Variants in SSH2 observed in about 807,000 individuals in gnomAD.
The protein encoded by SSH2 is slingshot protein phosphatase 2.
In SSH2, 37 loss-of-function variants were observed where a neutral mutation model predicts 135.2. The ratio of observed to expected loss-of-function variants is 0.27; its 90% CI spans 0.21 to 0.36. The LOEUF is 0.36. Among genes scored for constraint, SSH2 ranks in the 10% least tolerant of loss-of-function variants. SSH2 has a pLI of 1.00. For missense variants in SSH2, 1,408 were observed against 1,765.3 expected, an observed-to-expected ratio of 0.80 and a Z score of 3.63; for synonymous variants, 628 against 646.2, an observed-to-expected ratio of 0.97 and a Z score of 0.43.
intron 2 of SSH2, among the ~76,000 whole-genome samples, chr17:29,833,214 G>C (rs1392356170): frequency 6.6e-6 from 1 of 152,032 alleles, no homozygotes; most frequent in Non-Finnish European, 1.5e-5. Flanking sequence ...TTGTATTGGG[G>C]TTCATCTCTC....
At position 29,821,209 on chromosome 17, in the gene SSH2, T is replaced by C. The variant is rs145946221; in HGVS notation, c.145-27272A>G. ...GTCCTGTTCTTTCTTCTCGCCTTTATCTTCTTCCTTGTATTATAAATTACA... is the reference window on the plus strand; with the variant it reads ...GTCCTGTTCTTTCTTCTCGCCTTTACCTTCTTCCTTGTATTATAAATTACA... On this transcript the variant is annotated intron_variant, in intron 2 of 15. Coordinates refer to ENST00000540801, the MANE Select transcript of SSH2 (RefSeq NM_001282129.2). Among the ~76,000 whole-genome samples the C allele has an allele frequency of 9.8e-4, 149 of 152,326 alleles. 2 individuals carry two copies. The Middle Eastern group carries it at 0.01, about 10-fold the overall frequency.
At chr17:29,703,095 C>A (rs768852697) in intron 3 of SSH2, 33 bp from the exon 4 acceptor site, 1 of 1,481,886 alleles carries the variant, frequency 6.7e-7, no homozygotes, top group Non-Finnish European at 9.4e-7. Context: ...AAATAAATTA[C>A]TTAGGAAAGG....
intron 1 of SSH2, among the ~76,000 whole-genome samples, chr17:29,870,014 C>T (rs1475124197): frequency 6.6e-6 from 1 of 151,550 alleles, no homozygotes; most frequent in African/African-American, 2.4e-5. Context: ...AGGATAGGAC[C>T]TTGGGTCCCA....
At chr17:29,751,442 AAG>A (rs1339392867) in intron 3 of SSH2, among the ~76,000 whole-genome samples, 2 of 152,252 alleles carry the variant, frequency 1.3e-5, no homozygotes, top group Non-Finnish European at 1.5e-5. Context: ...AAAACAAAGA[AAG>A]AGAGTCCACT....
intron 4 of SSH2, among the ~76,000 whole-genome samples, chr17:29,701,126 A>G (rs2038960206): frequency 6.6e-6 from 1 of 152,004 alleles, no homozygotes; most frequent in Admixed American, 6.6e-5. Flanking sequence ...GCCCGCCACC[A>G]TGTCCGGCTA....
chr17:29,841,556 G>A (rs1341026865), intron 2 of SSH2, among the ~76,000 whole-genome samples: 1 of 152,114 alleles, frequency 6.6e-6, no homozygotes, highest in Admixed American at 6.6e-5. Context: ...TAATTGTGTT[G>A]TACCTGAGTA....
In SSH2 at chr17:29,884,054, T is replaced by A. The variant is rs560597094; in HGVS notation, c.64-35125A>T. Reference sequence around the variant, plus strand: ...GTCTCGAACTCCTGGGCTCAAGCAATCCTCCCACCTTGGCTTCCACAAGTG... The same window carrying A: ...GTCTCGAACTCCTGGGCTCAAGCAAACCTCCCACCTTGGCTTCCACAAGTG... On this transcript the variant is annotated intron_variant, in intron 1 of 15. Transcript: ENST00000540801. Among the ~76,000 whole-genome samples the A allele has an allele frequency of 1.2e-4, 19 of 152,178 alleles. 1 individual carries two copies. The South Asian group carries it at 3.9e-3, about 32-fold the overall frequency.
At position 29,630,865 on chromosome 17, in the gene SSH2, G is replaced by C; in HGVS notation, c.4329C>G (p.Thr1443=). Residue 1443 remains threonine, a synonymous_variant, in exon 16 of 16, where the codon ACC becomes ACG. Coordinates refer to ENST00000540801, the MANE Select transcript of SSH2 (RefSeq NM_001282129.2). ...LKKANDKKRT[T]NPFYNTM Reference sequence around the variant, plus strand: ...ATCACATGGTATTATAGAAGGGGTTGGTTGTCCGTTTTTTGTCATTTGCCT... The same window carrying C: ...ATCACATGGTATTATAGAAGGGGTTCGTTGTCCGTTTTTTGTCATTTGCCT... 1 of 1,562,610 alleles carries C rather than the reference G, an allele frequency of 6.4e-7. No homozygotes were observed. The highest frequency in any genetic ancestry group is 8.7e-7 in the Non-Finnish European group (1 of 1,150,100).
intron 3 of SSH2, among the ~76,000 whole-genome samples, chr17:29,712,232 CTT>C (rs992918012): frequency 6.6e-6 from 1 of 152,130 alleles, no homozygotes; most frequent in African/African-American, 2.4e-5. Context: ...GGAGGGATGA[CTT>C]TGAGTTCTGT....
chr17:29,716,445 T>C, intron 3 of SSH2: 1 of 672,878 alleles, frequency 1.5e-6, no homozygotes, highest in Non-Finnish European at 2.8e-6. Context: ...GGCAAGAATC[T>C]TGCCCTCAAC....
intron 2 of SSH2, among the ~76,000 whole-genome samples, chr17:29,808,409 A>G (rs2042385115): frequency 6.6e-6 from 1 of 152,350 alleles, no homozygotes; most frequent in Admixed American, 6.5e-5. Flanking sequence ...GATTACAGGC[A>G]TGAGCCACCA....
chr17:29,862,644 T>G (rs1046926577), intron 1 of SSH2, among the ~76,000 whole-genome samples: 2 of 152,194 alleles, frequency 1.3e-5, no homozygotes. Flanking sequence ...TCAGAGCCTC[T>G]TAGCAGCTTG....
intron 3 of SSH2, among the ~76,000 whole-genome samples, chr17:29,715,080 T>C (rs112052789): frequency 1.6e-3 from 241 of 152,184 alleles, no homozygotes; most frequent in Middle Eastern, 3.4e-3. Context: ...TTGCCCAGAC[T>C]GGTCTTGAAC....
intron 1 of SSH2, among the ~76,000 whole-genome samples, chr17:29,907,857 C>T (rs959149766): frequency 7.7e-5 from 11 of 143,534 alleles, no homozygotes; most frequent in Non-Finnish European, 1.4e-4. Context: ...CTCACTCTGT[C>T]ACCCAGGATC....
At chr17:29,694,269 C>T (rs1379500755) in intron 5 of SSH2, among the ~76,000 whole-genome samples, 1 of 152,140 alleles carries the variant, frequency 6.6e-6, no homozygotes, top group Non-Finnish European at 1.5e-5. Flanking sequence ...GAAATACTTT[C>T]CAATTTCCAC....
At chr17:29,702,886 A>C in intron 4 of SSH2, 73 bp downstream of exon 4, 1 of 1,104,582 alleles carries the variant, frequency 9.1e-7, no homozygotes, top group Non-Finnish European at 1.4e-6. Flanking sequence ...GATGGGGATG[A>C]GGTAGTCAAC....
At chr17:29,712,605 A>G (rs547898788) in intron 3 of SSH2, among the ~76,000 whole-genome samples, 1 of 152,196 alleles carries the variant, frequency 6.6e-6, no homozygotes, top group Admixed American at 6.5e-5. Flanking sequence ...GGAGTTCGAG[A>G]CCCGCCTGGC....
At chr17:29,866,497 G>C (rs926553992) in intron 1 of SSH2, among the ~76,000 whole-genome samples, 3 of 152,076 alleles carry the variant, frequency 2.0e-5, no homozygotes, top group African/African-American at 7.2e-5. Flanking sequence ...AAAACAACAA[G>C]TTAATAAACA....
At chr17:29,861,004 C>T (rs752259530) in intron 1 of SSH2, among the ~76,000 whole-genome samples, 4 of 152,150 alleles carry the variant, frequency 2.6e-5, no homozygotes, top group Admixed American at 2.0e-4. Flanking sequence ...CTCAGCCTCC[C>T]AAAGTACTGG....
Sources: gnomAD v4.1 joint callset for allele counts (sites outside exome capture counted in the v4.1 genomes callset) on GRCh38, gnomAD v4.1.1 for gene constraint, MANE v1.5 for transcripts, NCBI Gene and HGNC (gene_info 2026-07-23, HGNC 2026-07-21) for gene names.